The following ENOX1 variants were observed in gnomAD, a reference collection of about 807,000 sequenced individuals.
The protein encoded by ENOX1 is ecto-NOX disulfide-thiol exchanger 1, also known as candidate growth-related and time keeping constitutive hydroquinone (NADH) oxidase.
In ENOX1, 42 loss-of-function variants were observed where a neutral mutation model predicts 82.5. The observed-to-expected ratio is 0.51, with a 90% CI of 0.40 to 0.66. The LOEUF (loss-of-function observed/expected upper bound fraction) is 0.66. ENOX1 is among the 30% of genes least tolerant of loss of function. The probability of loss-of-function intolerance (pLI) is 0.00; values close to 1 mark genes in which losing one functional copy is unlikely to be tolerated. For synonymous variants in ENOX1, 271 were observed against 282.2 expected (o/e 0.96, Z 0.40); for missense variants, 608 against 811.6 (o/e 0.75, Z 3.05).
At chr13:43,632,298 G>A (rs1017855145) in intron 2 of ENOX1, among the ~76,000 whole-genome samples, 8 of 151,220 alleles carry the variant, frequency 5.3e-5, no homozygotes, top group African/African-American at 7.3e-5. Context: ...GTCTACTTTA[G>A]CATTTGTTTT....
At chr13:43,627,646 T>C (rs897791667) in intron 2 of ENOX1, among the ~76,000 whole-genome samples, 1 of 152,092 alleles carries the variant, frequency 6.6e-6, no homozygotes, top group African/African-American at 2.4e-5. Context: ...ATTTATTAAA[T>C]TCAAAAGGAG....
chr13:43,338,782 T>G (rs1178372677), intron 9 of ENOX1, among the ~76,000 whole-genome samples: 6 of 146,786 alleles, frequency 4.1e-5, no homozygotes, highest in Non-Finnish European at 8.9e-5. Context: ...GTCTCCCAGG[T>G]TCACGCCATT....
Position 43,743,149 on chromosome 13 carries a change from G to C in ENOX1, c.-285+43503C>G, listed in dbSNP as rs914479608. On this transcript the variant is annotated intron_variant, in intron 1 of 16. Transcript: ENST00000690772. ...ATAAGAGGTTCTCAGAACAAGTTCA[G>C]GGTTGCCCAGAAGTTGTTTTTAGAG... Among the ~76,000 whole-genome samples, 3 of 152,240 alleles carry C rather than the reference G, an allele frequency of 2.0e-5. No homozygotes were observed. In the East Asian group the frequency reaches 5.8e-4, roughly 29 times the overall value.
chr13:43,284,954 A>G (rs1201615562), intron 12 of ENOX1, among the ~76,000 whole-genome samples: 1 of 152,164 alleles, frequency 6.6e-6, no homozygotes, highest in African/African-American at 2.4e-5. Flanking sequence ...TCAGAGACAC[A>G]GAGAGAAGAA....
At chr13:43,414,070 T>C (rs2054300872) in intron 3 of ENOX1, among the ~76,000 whole-genome samples, 1 of 152,218 alleles carries the variant, frequency 6.6e-6, no homozygotes, top group Non-Finnish European at 1.5e-5. Context: ...GTGTATCTAA[T>C]GTGAAGTTCG....
chr13:43,310,870 C>T (rs1041055), intron 11 of ENOX1, among the ~76,000 whole-genome samples: 144,808 of 151,876 alleles, frequency 0.95, 69,446 homozygotes, highest in East Asian at 1. Flanking sequence ...CTCTGTTTCT[C>T]AATTAGAAAA....
At chr13:43,766,322 A>G (rs988598454) in intron 1 of ENOX1, among the ~76,000 whole-genome samples, 3 of 152,264 alleles carry the variant, frequency 2.0e-5, no homozygotes, top group Non-Finnish European at 4.4e-5. Flanking sequence ...GTAACTGCGG[A>G]CTGTATGTTA....
At chr13:43,578,428 A>C (rs551932388) in intron 2 of ENOX1, among the ~76,000 whole-genome samples, 455 of 152,304 alleles carry the variant, frequency 3.0e-3, no homozygotes, top group Non-Finnish European at 5.1e-3. Flanking sequence ...CACATTTGAA[A>C]ACTTTTATCT....
At chr13:43,743,982 A>G (rs1355180102) in intron 1 of ENOX1, among the ~76,000 whole-genome samples, 5 of 150,912 alleles carry the variant, frequency 3.3e-5, no homozygotes, top group Non-Finnish European at 5.9e-5. Flanking sequence ...TCTCATGACA[A>G]TGACATTAAT....
intron 5 of ENOX1, among the ~76,000 whole-genome samples, chr13:43,400,413 CA>C (rs2053429330): frequency 1.3e-5 from 2 of 152,178 alleles, no homozygotes; most frequent in Non-Finnish European, 2.9e-5. Flanking sequence ...GCAGGATGTA[CA>C]TAGGTTGACT....
At chr13:43,709,416 A>T (rs1277466338) in intron 1 of ENOX1, among the ~76,000 whole-genome samples, 1 of 152,154 alleles carries the variant, frequency 6.6e-6, no homozygotes, top group African/African-American at 2.4e-5. Context: ...AGAAATCTTA[A>T]GAGAAATTAT....
chr13:43,518,987 AC>A (rs1345828388), intron 2 of ENOX1, among the ~76,000 whole-genome samples: 2 of 152,184 alleles, frequency 1.3e-5, no homozygotes, highest in African/African-American at 4.8e-5. Context: ...GAAGTACATG[AC>A]AAAACTCTCC....
chr13:43,589,152 A>AGT (rs2081123122), intron 2 of ENOX1, among the ~76,000 whole-genome samples: 1 of 146,454 alleles, frequency 6.8e-6, no homozygotes, highest in South Asian at 2.3e-4. Flanking sequence ...CAAACCCTGA[A>AGT]GTTGGGCCTT....
At chr13:43,775,091 G>A (rs1425156841) in intron 1 of ENOX1, among the ~76,000 whole-genome samples, 3 of 151,956 alleles carry the variant, frequency 2.0e-5, no homozygotes, top group African/African-American at 4.8e-5. Context: ...CAAGTGATCC[G>A]CCAACCTCGG....
At chr13:43,327,757 C>T (rs1299736291) in intron 9 of ENOX1, among the ~76,000 whole-genome samples, 1 of 152,168 alleles carries the variant, frequency 6.6e-6, no homozygotes, top group Admixed American at 6.5e-5. Flanking sequence ...AGAAGAACAA[C>T]ACTTGGTGCC....
intron 1 of ENOX1, among the ~76,000 whole-genome samples, chr13:43,739,468 G>A (rs1165719265): frequency 6.6e-6 from 1 of 152,046 alleles, no homozygotes; most frequent in Non-Finnish European, 1.5e-5. Flanking sequence ...AAAATCGCCT[G>A]AGCTCAGGAG....
intron 5 of ENOX1, among the ~76,000 whole-genome samples, chr13:43,408,228 T>C (rs2053914753): frequency 6.6e-6 from 1 of 152,184 alleles, no homozygotes; most frequent in South Asian, 2.1e-4. Context: ...GGGATTTGAT[T>C]TCCTGGGAAA....
chr13:43,610,948 A>G (rs2082175073), intron 2 of ENOX1, among the ~76,000 whole-genome samples: 1 of 152,202 alleles, frequency 6.6e-6, no homozygotes, highest in South Asian at 2.1e-4. Context: ...CTAAAATAGG[A>G]TGGTGGTGGT....
chr13:43,710,116 A>C (rs2087589406), intron 1 of ENOX1, among the ~76,000 whole-genome samples: 1 of 152,178 alleles, frequency 6.6e-6, no homozygotes, highest in African/African-American at 2.4e-5. Context: ...ATAGTCAATC[A>C]CATCCAACAG....
Sources: allele counts gnomAD v4.1 joint callset (sites outside exome capture counted in the v4.1 genomes callset), GRCh38; gene constraint gnomAD v4.1.1; transcripts MANE v1.5; gene names NCBI Gene and HGNC (gene_info 2026-07-23, HGNC 2026-07-21).